Variants in APOBEC1 observed in about 807,000 individuals in gnomAD.
APOBEC1 encodes C->U-editing enzyme APOBEC-1.
APOBEC1 carries 22 observed loss-of-function variants against 26.3 expected under a neutral mutation model. The ratio of observed to expected loss-of-function variants is 0.84; its 90% CI spans 0.60 to 1.19. The LOEUF (loss-of-function observed/expected upper bound fraction) is 1.19, where lower values mean the gene tolerates loss of function less well. Ranked by LOEUF, APOBEC1 falls within the 50% of genes most tolerant of loss-of-function variation. APOBEC1 has a pLI of 0.00. For synonymous variants in APOBEC1, 77 were observed against 95.3 expected (o/e 0.81, Z 1.12); for missense variants, 253 against 289.0 (o/e 0.88, Z 0.90).
chr12:7,658,252 C>T (rs926686927), intron 1 of APOBEC1, among the ~76,000 whole-genome samples: 63 of 152,200 alleles, frequency 4.1e-4, no homozygotes, highest in South Asian at 6.2e-4. Context: ...TTAGTAGAGA[C>T]GGGGTTTCAC....
intron 1 of APOBEC1, among the ~76,000 whole-genome samples, chr12:7,662,345 G>A (rs1034135314): frequency 6.6e-6 from 1 of 152,136 alleles, no homozygotes; most frequent in African/African-American, 2.4e-5. Context: ...ACTTTTGGGA[G>A]GCCAAGGCGG....
rs887005841 is a variant in APOBEC1, at chr12:7,665,838, GC to G, written c.16+18del. ...TGCATTGTTCAAGAATACTTGCCAA[GC>G]CCCCGGATCCATTTTACCTTTCTCA... On this transcript the variant is annotated intron_variant, in intron 1 of 4. Transcript: ENST00000229304. 2.5e-6 allele frequency: 4 copies of G among 1,597,322 alleles called. No individual in the cohort carries two copies. In the Admixed American group the frequency reaches 6.8e-5, roughly 27 times the overall value.
At chr12:7,658,053 T>TTTTG (rs1351453839) in intron 1 of APOBEC1, among the ~76,000 whole-genome samples, 1 of 147,850 alleles carries the variant, frequency 6.8e-6, no homozygotes, top group Non-Finnish European at 1.5e-5. Flanking sequence ...TTCTGTTTTG[T>TTTTG]TTTGTTTTGT....
intron 4 of APOBEC1, 24 bp from the exon 5 acceptor site, chr12:7,649,720 T>C: frequency 1.3e-6 from 2 of 1,521,150 alleles, no homozygotes; most frequent in Non-Finnish European, 1.8e-6. Context: ...GGATTATATT[T>C]AATCCTTAGG....
intron 1 of APOBEC1, among the ~76,000 whole-genome samples, chr12:7,657,087 G>T (rs1863725976): frequency 1.4e-5 from 2 of 140,982 alleles, no homozygotes; most frequent in South Asian, 2.4e-4. Flanking sequence ...TGTGTAAATA[G>T]CTATTTAACA....
chr12:7,665,799 A>ACACACC lies in APOBEC1; in HGVS notation c.16+57_16+58insGGTGTG, dbSNP rs1555095796. On this transcript the variant is annotated intron_variant, in intron 1 of 4. Transcript: ENST00000229304. ...CACACACACACACACACACACACACACACACACCATTCTTGCATTGTTCAA... is the reference window on the plus strand; with the variant it reads ...CACACACACACACACACACACACACACACACCCACACACCATTCTTGCATTGTTCAA... The ACACACC allele has an allele frequency of 3.7e-6, 5 of 1,361,934 alleles. No homozygotes were observed. The African/African-American group carries it at 6.2e-5, about 17-fold the overall frequency. The allele number at this position is 1,361,934 out of a possible 1,614,324, so 84.4% of individuals were successfully genotyped here.
chr12:7,666,220 C>T (rs1863890299), upstream of APOBEC1, among the ~76,000 whole-genome samples: 1 of 152,010 alleles, frequency 6.6e-6, no homozygotes, highest in Non-Finnish European at 1.5e-5. Flanking sequence ...GTGGATCCAT[C>T]ATTCTTTTTT....
At chr12:7,660,579 T>C (rs774608983) in intron 1 of APOBEC1, among the ~76,000 whole-genome samples, 167 of 150,778 alleles carry the variant, frequency 1.1e-3, no homozygotes, top group African/African-American at 3.8e-3. Context: ...GGCCCATGCT[T>C]GTAATCCCAG....
At chr12:7,658,225 G>A (rs184839350) in intron 1 of APOBEC1, among the ~76,000 whole-genome samples, 21 of 152,122 alleles carry the variant, frequency 1.4e-4, no homozygotes, top group African/African-American at 3.9e-4. Flanking sequence ...CACCACACCC[G>A]GCTAACTTTT....
At chr12:7,666,063 G>C (rs757936910), upstream of APOBEC1, among the ~76,000 whole-genome samples, 1 of 152,016 alleles carries the variant, frequency 6.6e-6, no homozygotes, top group Non-Finnish European at 1.5e-5. Context: ...ATTATCGTGG[G>C]GATTTGCATC....
At chr12:7,660,334 G>GGAAGGGAA (rs1555094860) in intron 1 of APOBEC1, among the ~76,000 whole-genome samples, 578 of 35,760 alleles carry the variant, frequency 0.016, 18 homozygotes, top group Non-Finnish European at 0.024. Flanking sequence ...AAGGAAGGAA[G>GGAAGGGAA]GGAAGGAAGG....
At chr12:7,661,324 G>A (rs1004312521) in intron 1 of APOBEC1, among the ~76,000 whole-genome samples, 2 of 151,680 alleles carry the variant, frequency 1.3e-5, no homozygotes, top group African/African-American at 4.8e-5. Flanking sequence ...TCACTATCTC[G>A]GTAGCAGAGT....
chr12:7,670,552 C>T (rs766457518), upstream of APOBEC1, among the ~76,000 whole-genome samples: 2 of 138,966 alleles, frequency 1.4e-5, no homozygotes, highest in South Asian at 4.9e-4. Context: ...GTCAGGAGTT[C>T]GAGACCAGTC....
chr12:7,667,955 A>G (rs7309127), upstream of APOBEC1, among the ~76,000 whole-genome samples: 48,380 of 150,760 alleles, frequency 0.32, 7,962 homozygotes, highest in African/African-American at 0.36. Flanking sequence ...ATAGCCATCA[A>G]CGATATCCAT....
At chr12:7,658,912 C>T (rs1186629156) in intron 1 of APOBEC1, among the ~76,000 whole-genome samples, 4 of 147,488 alleles carry the variant, frequency 2.7e-5, no homozygotes, top group African/African-American at 1.0e-4. Flanking sequence ...CAGATCATGC[C>T]GTTGCACTCC....
At chr12:7,653,931 T>C (rs1863680306) in intron 2 of APOBEC1, among the ~76,000 whole-genome samples, 1 of 152,236 alleles carries the variant, frequency 6.6e-6, no homozygotes, top group South Asian at 2.1e-4. Context: ...CAGACTCTTC[T>C]TTGCAATATG....
chr12:7,667,347 T>C (rs1220188247), upstream of APOBEC1, among the ~76,000 whole-genome samples: 1 of 152,088 alleles, frequency 6.6e-6, no homozygotes, highest in East Asian at 1.9e-4. Flanking sequence ...AGAATTGAGG[T>C]CACTTTTTCA....
chr12:7,650,932 A>G, intron 4 of APOBEC1, 91 bp downstream of exon 4: 1 of 903,138 alleles, frequency 1.1e-6, no homozygotes. Flanking sequence ...TAAATGTCAA[A>G]AAGAAGATAT....
chr12:7,658,174 G>C (rs944791239), intron 1 of APOBEC1, among the ~76,000 whole-genome samples: 4 of 152,002 alleles, frequency 2.6e-5, no homozygotes, highest in Non-Finnish European at 5.9e-5. Context: ...AGTGATTCTC[G>C]TGCCTGAGCC....
Sources: gnomAD v4.1 joint callset for allele counts (sites outside exome capture counted in the v4.1 genomes callset) on GRCh38, gnomAD v4.1.1 for gene constraint, MANE v1.5 for transcripts, NCBI Gene and HGNC (gene_info 2026-07-23, HGNC 2026-07-21) for gene names.